The following TBC1D4 variants were observed in gnomAD, a reference collection of about 807,000 sequenced individuals.
The protein encoded by TBC1D4 is TBC (Tre-2, BUB2, CDC16) domain-containing protein.
TBC1D4 carries 121 observed loss-of-function variants against 142.5 expected under a neutral mutation model. The ratio of observed to expected loss-of-function variants is 0.85; its 90% CI spans 0.73 to 0.99. The LOEUF is 0.99. Among genes scored for constraint, TBC1D4 ranks in the 50% least tolerant of loss-of-function variants. The probability of loss-of-function intolerance (pLI) is 0.00; values close to 1 mark genes in which losing one functional copy is unlikely to be tolerated. For missense variants in TBC1D4, 1,475 were observed against 1,606.6 expected (o/e 0.92, Z 1.40); for synonymous variants, 630 against 628.2 (o/e 1.00, Z -0.04).
intron 8 of TBC1D4, among the ~76,000 whole-genome samples, chr13:75,331,522 A>G (rs1312980864): frequency 6.6e-6 from 1 of 152,088 alleles, no homozygotes; most frequent in Non-Finnish European, 1.5e-5. Context: ...TAAAATTTAT[A>G]TTAGTAAATA....
At chr13:75,323,574 C>T (rs1354936627) in intron 11 of TBC1D4, among the ~76,000 whole-genome samples, 1 of 152,080 alleles carries the variant, frequency 6.6e-6, no homozygotes, top group Admixed American at 6.5e-5. Context: ...ATTTAACAGG[C>T]TATACATTTT....
chr13:75,473,766 T>C (rs773778988), intron 1 of TBC1D4, among the ~76,000 whole-genome samples: 1 of 152,198 alleles, frequency 6.6e-6, no homozygotes, highest in Non-Finnish European at 1.5e-5. Flanking sequence ...TATGGCAAGA[T>C]TATCTGAAAT....
At chr13:75,315,378 A>G (rs1242867654) in intron 12 of TBC1D4, among the ~76,000 whole-genome samples, 2 of 149,794 alleles carry the variant, frequency 1.3e-5, no homozygotes, top group Non-Finnish European at 3.0e-5. Context: ...ATACACACAC[A>G]CACACACACA....
intron 1 of TBC1D4, among the ~76,000 whole-genome samples, chr13:75,429,873 G>A (rs1427215916): frequency 1.3e-5 from 2 of 152,120 alleles, no homozygotes; most frequent in African/African-American, 4.8e-5. Context: ...TCAGAGCATA[G>A]AACCATCTGC....
At chr13:75,336,871 G>A in intron 8 of TBC1D4, 50 bp downstream of exon 8, 1 of 1,610,646 alleles carries the variant, frequency 6.2e-7, no homozygotes, top group Non-Finnish European at 8.5e-7. Context: ...AAGCTAAACT[G>A]TTAGAAAACA....
chr13:75,450,000 T>C (rs1887467623), intron 1 of TBC1D4, among the ~76,000 whole-genome samples: 1 of 152,170 alleles, frequency 6.6e-6, no homozygotes, highest in African/African-American at 2.4e-5. Flanking sequence ...CTGATACATT[T>C]TATATTGTTT....
intron 12 of TBC1D4, among the ~76,000 whole-genome samples, chr13:75,317,183 C>T (rs1878389935): frequency 1.3e-5 from 2 of 152,300 alleles, no homozygotes; most frequent in South Asian, 4.1e-4. Context: ...TGCAGCTGAT[C>T]CTGCCAGTGT....
At chr13:75,304,438 G>A (rs899015278) in intron 15 of TBC1D4, among the ~76,000 whole-genome samples, 1 of 152,146 alleles carries the variant, frequency 6.6e-6, no homozygotes. Flanking sequence ...ATCTAGTAAT[G>A]AGTGCAAGAT....
intron 12 of TBC1D4, among the ~76,000 whole-genome samples, chr13:75,319,260 T>C (rs1036661507): frequency 2.0e-5 from 3 of 152,214 alleles, no homozygotes; most frequent in Admixed American, 2.0e-4. Context: ...ATTTTCACTC[T>C]AGCTACAAAG....
chr13:75,361,649 G>A (rs1485579553), intron 2 of TBC1D4, among the ~76,000 whole-genome samples: 2 of 152,148 alleles, frequency 1.3e-5, no homozygotes, highest in Non-Finnish European at 2.9e-5. Flanking sequence ...CAAGGTGCCG[G>A]AATTACAGGC....
At chr13:75,298,868 T>C (rs1330117337) in intron 17 of TBC1D4, among the ~76,000 whole-genome samples, 1 of 152,112 alleles carries the variant, frequency 6.6e-6, no homozygotes, top group Non-Finnish European at 1.5e-5. Context: ...AGGGGAGATA[T>C]CAATGATAAG....
intron 7 of TBC1D4, 26 bp downstream of exon 7, chr13:75,341,099 A>T: frequency 6.4e-7 from 1 of 1,569,860 alleles, no homozygotes; most frequent in Non-Finnish European, 8.7e-7. Context: ...CAACAAAAGT[A>T]GGTGAAGTAG....
chr13:75,287,142 A>G, intron 20 of TBC1D4, 117 bp from the exon 21 acceptor site: 1 of 868,654 alleles, frequency 1.2e-6, no homozygotes, highest in Non-Finnish European at 1.8e-6. Context: ...TGAAGCAAAT[A>G]CTCTGAAAAC....
At chr13:75,299,271 G>A in intron 17 of TBC1D4, 59 bp downstream of exon 17, 1 of 1,610,576 alleles carries the variant, frequency 6.2e-7, no homozygotes, top group Non-Finnish European at 8.5e-7. Context: ...TAATTGAGAA[G>A]AGGGCCAGGA....
At chr13:75,287,663 T>C (rs1310237257) in intron 20 of TBC1D4, among the ~76,000 whole-genome samples, 2 of 152,110 alleles carry the variant, frequency 1.3e-5, no homozygotes, top group Non-Finnish European at 1.5e-5. Context: ...CTTTTTTGAA[T>C]AGAAAAAAAG....
intron 1 of TBC1D4, among the ~76,000 whole-genome samples, chr13:75,415,456 T>A (rs1593862083): frequency 6.6e-6 from 1 of 152,232 alleles, no homozygotes; most frequent in East Asian, 1.9e-4. Flanking sequence ...TTAAACCATC[T>A]GAGAGTACTT....
intron 7 of TBC1D4, among the ~76,000 whole-genome samples, chr13:75,337,762 A>C (rs1880347178): frequency 6.6e-6 from 1 of 152,220 alleles, no homozygotes; most frequent in African/African-American, 2.4e-5. Context: ...CAGGAAGAAA[A>C]GAATACACAG....
chr13:75,397,396 G>A (rs981491506), intron 1 of TBC1D4, among the ~76,000 whole-genome samples: 1 of 152,142 alleles, frequency 6.6e-6, no homozygotes, highest in Admixed American at 6.5e-5. Context: ...ACTATAAAGT[G>A]GAAGCAGAGG....
intron 16 of TBC1D4, among the ~76,000 whole-genome samples, chr13:75,300,751 A>C (rs1380130465): frequency 1.3e-5 from 2 of 152,008 alleles, no homozygotes; most frequent in Non-Finnish European, 2.9e-5. Context: ...ATATGATCTC[A>C]TTTTCTCTCT....
Sources: allele counts gnomAD v4.1 joint callset (sites outside exome capture counted in the v4.1 genomes callset), GRCh38; gene constraint gnomAD v4.1.1; transcripts MANE v1.5; gene names NCBI Gene and HGNC (gene_info 2026-07-23, HGNC 2026-07-21).